Variants in PLCD4 observed in about 807,000 individuals in gnomAD.
The protein encoded by PLCD4 is phospholipase C delta 4.
In PLCD4, 63 loss-of-function variants were observed where a neutral mutation model predicts 90.2. The ratio of observed to expected loss-of-function variants is 0.70; its 90% CI spans 0.57 to 0.86. PLCD4 has a LOEUF of 0.86. PLCD4 is among the 40% of genes least tolerant of loss of function. The pLI is 0.00. For synonymous variants in PLCD4, 294 were observed against 356.5 expected (o/e 0.82, Z 1.97); for missense variants, 830 against 956.3 (o/e 0.87, Z 1.74).
chr2:218,623,869 G>T (rs1210544484), intron 6 of PLCD4, among the ~76,000 whole-genome samples: 2 of 152,014 alleles, frequency 1.3e-5, no homozygotes, highest in East Asian at 3.9e-4. Flanking sequence ...TTTAGTAGAG[G>T]ATGGGGTTTC....
chr2:218,621,480 G>A lies in PLCD4; in HGVS notation c.421G>A (p.Asp141Asn), dbSNP rs200222852. 1.8e-5 allele frequency: 29 copies of A among 1,613,872 alleles called. No homozygotes were observed. Among genetic ancestry groups the A allele is most frequent in the African/African-American group, 6.7e-5 (5 of 74,956 alleles). The change falls in exon 5 of 16, where the codon GAT becomes AAT. Residue 141 changes from aspartate to asparagine, a missense_variant. Asp to Asn is a conservative substitution (Grantham distance 23). Transcript: ENST00000450993. Reference sequence around the variant, plus strand: ...TTGACTCATACCTGGATGGCTGAGCGATTGGTTTCAACGTGGAGACAAAAA... The same window carrying A: ...TTGACTCATACCTGGATGGCTGAGCAATTGGTTTCAACGTGGAGACAAAAA... ...HQERLDQWLS[D>N]WFQRGDKNQD... is the part of the protein sequence containing the mutation.
At chr2:218,625,010 G>A (rs1696044446) in intron 6 of PLCD4, among the ~76,000 whole-genome samples, 1 of 145,428 alleles carries the variant, frequency 6.9e-6, no homozygotes, top group Admixed American at 7.0e-5. Flanking sequence ...TACTCGGGAG[G>A]CTGAGACAGG....
chr2:218,637,042 C>T lies in PLCD4; in HGVS notation c.*465C>T. On this transcript the variant is annotated 3_prime_UTR_variant, in exon 16 of 16. Transcript: ENST00000450993. ...GATAAATCAAGGCTCAAGGCTTCCC[C>T]AGCAAAGATTAGGGAAAGAGACTTG... is the stretch of plus-strand genomic sequence containing the variant. 2 of 401,278 alleles carry T rather than the reference C, an allele frequency of 5.0e-6. No individual in the cohort carries two copies. Among genetic ancestry groups the T allele is most frequent in the Non-Finnish European group, 9.8e-6 (2 of 203,812 alleles). The allele number at this position is 401,278 out of a possible 1,614,324, so 24.9% of individuals were successfully genotyped here. A position where few individuals can be genotyped will look rare whatever the true frequency, so the allele number is the denominator to read the frequency against.
chr2:218,617,764 G>T (rs999583763), intron 3 of PLCD4, among the ~76,000 whole-genome samples: 8 of 152,052 alleles, frequency 5.3e-5, no homozygotes, highest in African/African-American at 1.9e-4. Flanking sequence ...TGGTTCCCTC[G>T]TAGACATCTG....
rs200062411 is a variant in PLCD4, at chr2:218,615,999, C to T, written c.118C>T (p.Leu40Phe). 1.4e-4 allele frequency: 234 copies of T among 1,614,040 alleles called. No homozygotes were observed. In the Middle Eastern group the frequency reaches 1.5e-3, roughly 10 times the overall value. The change falls in exon 3 of 16, where the codon CTT becomes TTT. Residue 40 changes from leucine to phenylalanine, a missense_variant. By Grantham distance (22) the Leu-to-Phe change is conservative. Transcript: ENST00000450993. The stretch of plus-strand genomic sequence containing the variant: ...CTGGAAGAAGCTAAGATACTTCAGA[C>T]TTCAGAATGACGGCATGACAGTCTG... ...KSWKKLRYFR[L>F]QNDGMTVWHA...
Position 218,634,525 on chromosome 2 carries a change from C to T in PLCD4, c.1791C>T (p.Gly597=), listed in dbSNP as rs371190067. Residue 597 remains glycine, a synonymous_variant, in exon 13 of 16, where the codon GGC becomes GGT. Coordinates refer to ENST00000450993, the MANE Select transcript of PLCD4 (RefSeq NM_032726.4). The surrounding 1 kb of genome is among the most constrained non-coding windows in gnomAD (Gnocchi z 4.0). ...DICDGHFRQN[G]GCGYVLKPDF... ...GTGATGGGCATTTCCGCCAGAATGG[C>T]GGCTGTGGCTATGTGCTGAAGCCAG... is the stretch of plus-strand genomic sequence containing the variant. 1.3e-3 allele frequency: 2,019 copies of T among 1,614,040 alleles called. No homozygotes were observed. Among genetic ancestry groups the T allele is most frequent in the Non-Finnish European group, 1.4e-3 (1,707 of 1,179,892 alleles).
chr2:218,610,709 A>G (rs951935930), intron 1 of PLCD4, among the ~76,000 whole-genome samples: 8 of 151,740 alleles, frequency 5.3e-5, no homozygotes, highest in African/African-American at 1.5e-4. Flanking sequence ...AGCTGGTTGT[A>G]TGGAGACCTG....
chr2:218,631,989 G>T (rs538291471), intron 9 of PLCD4, 147 bp from the exon 10 acceptor site: 1 of 737,872 alleles, frequency 1.4e-6, no homozygotes, highest in Admixed American at 3.3e-5. Flanking sequence ...AATTCCAATT[G>T]TATGTATCAA....
intron 6 of PLCD4, among the ~76,000 whole-genome samples, chr2:218,623,685 T>C (rs1015969525): frequency 6.6e-6 from 1 of 152,112 alleles, no homozygotes; most frequent in African/African-American, 2.4e-5. Context: ...CCTTTTTCTA[T>C]TTTTTTGTTT....
At chr2:218,611,157 A>G (rs916259094) in intron 1 of PLCD4, among the ~76,000 whole-genome samples, 2 of 152,176 alleles carry the variant, frequency 1.3e-5, no homozygotes, top group African/African-American at 2.4e-5. Context: ...CTGACCTTCT[A>G]TGGCTCCCTG....
intron 1 of PLCD4, among the ~76,000 whole-genome samples, chr2:218,613,039 T>C (rs1265333402): frequency 6.6e-6 from 1 of 152,220 alleles, no homozygotes; most frequent in African/African-American, 2.4e-5. Context: ...ATGATTGCTC[T>C]ACAAATTTTT....
At chr2:218,608,662 G>C (rs556676935) in intron 1 of PLCD4, among the ~76,000 whole-genome samples, 1 of 152,140 alleles carries the variant, frequency 6.6e-6, no homozygotes, top group South Asian at 2.1e-4. Flanking sequence ...TCTGTGATAC[G>C]AGAGAGTTTA....
chr2:218,631,548 G>A (rs560528983), intron 9 of PLCD4, among the ~76,000 whole-genome samples: 26 of 152,290 alleles, frequency 1.7e-4, no homozygotes, highest in Admixed American at 5.9e-4. Flanking sequence ...TCTAATCCCA[G>A]CACTTTGGGA....
Position 218,634,972 on chromosome 2 carries a change from G to C in PLCD4, c.1896+342G>C, listed in dbSNP as rs1319036476. ...TAAAAGAGGCTGGCTGGGAGCGATA[G>C]CTTACACCTGTAATCCCAGCGCTTT... On this transcript the variant is annotated intron_variant, in intron 13 of 15. Transcript: ENST00000450993. This position sits in a 1 kb window ranked among gnomAD's most constrained non-coding sequence, Gnocchi z 4.0. Among the ~76,000 whole-genome samples, 4 of 152,174 alleles carry C rather than the reference G, an allele frequency of 2.6e-5. No individual in the cohort carries two copies. The highest frequency in any genetic ancestry group is 9.7e-5 in the African/African-American group (4 of 41,440).
chr2:218,611,719 C>T (rs1265417370), intron 1 of PLCD4, among the ~76,000 whole-genome samples: 1 of 152,130 alleles, frequency 6.6e-6, no homozygotes, highest in Non-Finnish European at 1.5e-5. Context: ...CTGCCTCAGC[C>T]TCACGAGTAG....
Position 218,635,269 on chromosome 2 carries a change from G to GA in PLCD4, c.1897-516dup, listed in dbSNP as rs1213261754. ...GTCAAGAGTATGATCGTGTCTCTTT[G>GA]AAAAAAAAAAAGTGGCTGCTGTCAT... On this transcript the variant is annotated intron_variant, in intron 13 of 15. Transcript: ENST00000450993. Among the ~76,000 whole-genome samples, 210 of 144,002 alleles carry GA rather than the reference G, an allele frequency of 1.5e-3. 3 individuals are homozygous for GA. The highest frequency in any genetic ancestry group is 0.01 in the Middle Eastern group (3 of 288). 94.5% of individuals were successfully genotyped at this position (144,002 alleles called of 152,430 possible).
chr2:218,613,331 T>C (rs540346776), intron 1 of PLCD4, among the ~76,000 whole-genome samples: 1 of 143,608 alleles, frequency 7.0e-6, no homozygotes, highest in South Asian at 2.1e-4. Flanking sequence ...GTAGAGGTTG[T>C]AGTGAGCCGA....
At chr2:218,630,916 T>C (rs1696333807) in intron 9 of PLCD4, 114 bp downstream of exon 9, 2 of 1,176,860 alleles carry the variant, frequency 1.7e-6, no homozygotes, top group Non-Finnish European at 2.3e-6. Context: ...GGATGGACCA[T>C]CTTGCTCTTT....
chr2:218,615,793 C>T, intron 2 of PLCD4, 32 bp downstream of exon 2: 3 of 1,602,058 alleles, frequency 1.9e-6, no homozygotes, highest in South Asian at 1.1e-5. Context: ...GGGGAAGAGG[C>T]CTTAGTGTAC....
Sources: allele counts gnomAD v4.1 joint callset (sites outside exome capture counted in the v4.1 genomes callset), GRCh38; gene constraint gnomAD v4.1.1; non-coding constraint Gnocchi (gnomAD v3.1); transcripts MANE v1.5; gene names NCBI Gene and HGNC (gene_info 2026-07-23, HGNC 2026-07-21).